CAMK2D: variants seen among roughly 807,000 people sequenced by gnomAD.
CAMK2D encodes calcium/calmodulin-dependent protein kinase type II subunit delta.
A neutral mutation model predicts 84.0 loss-of-function variants in CAMK2D; 37 were observed. The ratio of observed to expected loss-of-function variants is 0.44; its 90% CI spans 0.34 to 0.58. The LOEUF is 0.58. Ranked by LOEUF, CAMK2D falls within the 20% of genes least tolerant of loss-of-function variation. The probability of loss-of-function intolerance (pLI) is 0.02; values close to 1 mark genes in which losing one functional copy is unlikely to be tolerated. For synonymous variants in CAMK2D, 202 were observed against 212.5 expected (o/e 0.95, Z 0.43); for missense variants, 448 against 652.5 (o/e 0.69, Z 3.41).
intron 16 of CAMK2D, among the ~76,000 whole-genome samples, chr4:113,482,637 T>C (rs1238823097): frequency 6.6e-6 from 1 of 152,198 alleles, no homozygotes; most frequent in East Asian, 1.9e-4. Flanking sequence ...TAACTTATAT[T>C]AAATAAAATA....
chr4:113,509,611 T>C, intron 13 of CAMK2D, 27 bp downstream of exon 13: 3 of 1,479,394 alleles, frequency 2.0e-6, no homozygotes, highest in African/African-American at 1.4e-5. Flanking sequence ...AAGTCAGAAA[T>C]GGATTAGGGG....
At chr4:113,515,295 A>C (rs925356466) in intron 9 of CAMK2D, 104 bp from the exon 10 acceptor site, 16 of 715,502 alleles carry the variant, frequency 2.2e-5, no homozygotes, top group Non-Finnish European at 3.3e-5. Flanking sequence ...GAATTTCTTC[A>C]TAAATTTACT....
At chr4:113,583,082 A>G (rs2098818013) in intron 4 of CAMK2D, among the ~76,000 whole-genome samples, 1 of 152,180 alleles carries the variant, frequency 6.6e-6, no homozygotes, top group African/African-American at 2.4e-5. Flanking sequence ...TCTTTCATCA[A>G]GGGCTTCTAA....
intron 3 of CAMK2D, among the ~76,000 whole-genome samples, chr4:113,633,785 T>C (rs935373640): frequency 2.7e-5 from 4 of 147,720 alleles, no homozygotes; most frequent in East Asian, 2.0e-4. Flanking sequence ...TTCCCTCAAT[T>C]TGTAAAAATG....
Position 113,461,064 on chromosome 4 carries a change from T to C in CAMK2D, c.1212-823A>G, listed in dbSNP as rs571415965. 3.2e-4 allele frequency among the ~76,000 whole-genome samples: 49 copies of C among 152,288 alleles called. No individual in the cohort carries two copies. In the South Asian group the frequency reaches 9.9e-3, roughly 31 times the overall value. ...ATATTACAATTGACTTGAAAGAAAG[T>C]ATCACACCCTACACTTCCTGGCAAT... On this transcript the variant is annotated intron_variant, in intron 17 of 20. Transcript: ENST00000511664.
chr4:113,673,059 G>T (rs1366813109), intron 2 of CAMK2D, among the ~76,000 whole-genome samples: 1 of 152,102 alleles, frequency 6.6e-6, no homozygotes, highest in African/African-American at 2.4e-5. Flanking sequence ...TTTGCTTTTG[G>T]CTCTACAAGA....
intron 2 of CAMK2D, among the ~76,000 whole-genome samples, chr4:113,749,797 CTCT>C (rs978356558): frequency 3.3e-5 from 5 of 152,288 alleles, no homozygotes; most frequent in Non-Finnish European, 7.4e-5. Flanking sequence ...TTATACAAAA[CTCT>C]TTCCAATAAA....
chr4:113,592,050 T>C (rs541845684), intron 4 of CAMK2D, among the ~76,000 whole-genome samples: 3 of 152,188 alleles, frequency 2.0e-5, no homozygotes, highest in Non-Finnish European at 4.4e-5. Flanking sequence ...TAAGTATTCA[T>C]TGAATGAATG....
intron 2 of CAMK2D, among the ~76,000 whole-genome samples, chr4:113,735,511 A>G (rs1042964066): frequency 2.0e-5 from 3 of 151,944 alleles, no homozygotes; most frequent in African/African-American, 7.2e-5. Context: ...TGTACAATAC[A>G]CAACTATGTA....
At chr4:113,713,809 TA>T (rs1383803686) in intron 2 of CAMK2D, among the ~76,000 whole-genome samples, 1 of 151,758 alleles carries the variant, frequency 6.6e-6, no homozygotes, top group African/African-American at 2.4e-5. Flanking sequence ...TCACATGTGA[TA>T]TTTTTTTTCT....
chr4:113,484,263 T>C (rs1001797844), intron 16 of CAMK2D, among the ~76,000 whole-genome samples: 1 of 152,108 alleles, frequency 6.6e-6, no homozygotes, highest in African/African-American at 2.4e-5. Flanking sequence ...AAAGAGCAAT[T>C]TATAGTCCTT....
In CAMK2D at chr4:113,758,330, G is replaced by C. The variant is rs373948888; in HGVS notation, c.160+990C>G. Among the ~76,000 whole-genome samples the C allele has an allele frequency of 6.6e-5, 10 of 152,226 alleles. No individual in the cohort carries two copies. The East Asian group carries it at 1.4e-3, about 21-fold the overall frequency. ...CCTAAACCTAAAATGCATGTTAAAA[G>C]TAGAATTTGCAATAAATATGGAAAA... On this transcript the variant is annotated intron_variant, in intron 2 of 20. Coordinates refer to ENST00000511664, the MANE Select transcript of CAMK2D (RefSeq NM_001321571.2).
chr4:113,503,012 G>C, intron 14 of CAMK2D, 35 bp from the exon 15 acceptor site: 2 of 1,466,398 alleles, frequency 1.4e-6, no homozygotes, highest in Non-Finnish European at 1.9e-6. Context: ...GAAACAGTTC[G>C]CATTGGTAAG....
chr4:113,756,631 T>C (rs2099629190), intron 2 of CAMK2D, among the ~76,000 whole-genome samples: 1 of 152,112 alleles, frequency 6.6e-6, no homozygotes, highest in South Asian at 2.1e-4. Flanking sequence ...TTAAGACATA[T>C]CCTCTTAATA....
chr4:113,590,196 A>G (rs1399827703), intron 4 of CAMK2D, among the ~76,000 whole-genome samples: 1 of 152,196 alleles, frequency 6.6e-6, no homozygotes, highest in African/African-American at 2.4e-5. Context: ...GGCTCAATGA[A>G]TATTTATTGA....
intron 17 of CAMK2D, among the ~76,000 whole-genome samples, chr4:113,463,952 A>T (rs2097425103): frequency 1.3e-5 from 2 of 152,330 alleles, no homozygotes; most frequent in African/African-American, 4.8e-5. Context: ...AATTCTTATA[A>T]GTAGAATTAT....
chr4:113,638,468 G>T (rs747794775), intron 3 of CAMK2D, among the ~76,000 whole-genome samples: 1 of 151,992 alleles, frequency 6.6e-6, no homozygotes, highest in Non-Finnish European at 1.5e-5. Context: ...ATCTCCCTTG[G>T]GGGTAGGTTA....
intron 16 of CAMK2D, among the ~76,000 whole-genome samples, chr4:113,492,402 C>T (rs1414409581): frequency 7.9e-5 from 12 of 152,140 alleles, no homozygotes; most frequent in Non-Finnish European, 1.6e-4. Context: ...ACTATGTACC[C>T]AGTAGTCATT....
At chr4:113,552,134 G>T in intron 4 of CAMK2D, 38 bp from the exon 5 acceptor site, 2 of 1,183,800 alleles carry the variant, frequency 1.7e-6, no homozygotes, top group Non-Finnish European at 2.5e-6. Flanking sequence ...TTAAAAAGAA[G>T]CAAAAAAAAA....
Sources: allele counts gnomAD v4.1 joint callset (sites outside exome capture counted in the v4.1 genomes callset), GRCh38; gene constraint gnomAD v4.1.1; transcripts MANE v1.5; gene names NCBI Gene and HGNC (gene_info 2026-07-23, HGNC 2026-07-21).